The following ZFAND4 variants were observed in gnomAD, a reference collection of about 807,000 sequenced individuals.
The protein encoded by ZFAND4 is zinc finger AN1-type containing 4.
Under a neutral mutation model 64.4 loss-of-function variants are expected in ZFAND4, and 43 were observed. The ratio of observed to expected loss-of-function variants is 0.67; its 90% CI spans 0.52 to 0.86. ZFAND4 has a LOEUF of 0.86. ZFAND4 is among the 40% of genes least tolerant of loss of function. ZFAND4 has a pLI of 0.00. For missense variants in ZFAND4, 929 were observed against 859.8 expected, an observed-to-expected ratio of 1.08 and a Z score of -1.01; for synonymous variants, 296 against 305.7, an observed-to-expected ratio of 0.97 and a Z score of 0.33.
intron 2 of ZFAND4, among the ~76,000 whole-genome samples, chr10:45,662,937 C>A (rs1180538569): frequency 2.0e-5 from 3 of 152,018 alleles, no homozygotes; most frequent in Non-Finnish European, 4.4e-5. Context: ...TTACTTATTG[C>A]AGAAATCTGC....
At chr10:45,657,030 T>G (rs2048171479) in intron 2 of ZFAND4, among the ~76,000 whole-genome samples, 1 of 151,834 alleles carries the variant, frequency 6.6e-6, no homozygotes, top group Admixed American at 6.6e-5. Flanking sequence ...TTTTTTTTTT[T>G]TTGAGACAGG....
intron 8 of ZFAND4, among the ~76,000 whole-genome samples, chr10:45,619,352 T>C (rs761294071): frequency 2.0e-5 from 3 of 152,086 alleles, no homozygotes; most frequent in African/African-American, 4.8e-5. Context: ...CCAAATCAAT[T>C]TCTTTAATTA....
Position 45,626,740 on chromosome 10 carries a change from T to C in ZFAND4, c.1083A>G (p.Ser361=). 6.2e-7 allele frequency: 1 copy of C among 1,614,236 alleles called. No homozygotes were observed. Among genetic ancestry groups the C allele is most frequent in the South Asian group, 1.1e-5 (1 of 91,088 alleles). Residue 361 remains serine, a synonymous_variant, in exon 7 of 10, where the codon TCA becomes TCG. Coordinates refer to ENST00000344646, the MANE Select transcript of ZFAND4 (RefSeq NM_174890.4). ...AATGTTTTGTTTGCCTAGGCAGGGATGATCCAAGATGGAGAACAGAGTCAG... is the reference window on the plus strand; with the variant it reads ...AATGTTTTGTTTGCCTAGGCAGGGACGATCCAAGATGGAGAACAGAGTCAG... The part of the protein sequence containing the change: ...ELADSVLHLG[S]SLPRQTKHFL...
chr10:45,624,943 G>A (rs2045690713), intron 7 of ZFAND4, among the ~76,000 whole-genome samples: 1 of 151,852 alleles, frequency 6.6e-6, no homozygotes, highest in South Asian at 2.1e-4. Flanking sequence ...GCTGCAGCGA[G>A]CTGTGATTGC....
At chr10:45,663,460 A>G (rs749341719) in intron 2 of ZFAND4, 82 bp downstream of exon 2, 59 of 1,105,170 alleles carry the variant, frequency 5.3e-5, no homozygotes, top group Non-Finnish European at 7.0e-5. Context: ...AATTGTCTCC[A>G]TTAAAATACT....
chr10:45,624,948 G>A (rs370130967), intron 7 of ZFAND4, among the ~76,000 whole-genome samples: 187 of 152,074 alleles, frequency 1.2e-3, no homozygotes, highest in African/African-American at 3.6e-3. Context: ...AGCGAGCTGT[G>A]ATTGCACCAC....
chr10:45,667,508 G>C (rs1203567791), intron 1 of ZFAND4, among the ~76,000 whole-genome samples: 2 of 111,380 alleles, frequency 1.8e-5, no homozygotes, highest in African/African-American at 7.2e-5. Context: ...CCACTCTGTT[G>C]CCCGGGCTGA....
At chr10:45,655,312 T>C (rs1392744288) in intron 2 of ZFAND4, among the ~76,000 whole-genome samples, 1 of 152,186 alleles carries the variant, frequency 6.6e-6, no homozygotes, top group East Asian at 1.9e-4. Flanking sequence ...GGAATGATAA[T>C]AGTAATACAA....
At chr10:45,651,365 T>C (rs2047746546) in intron 4 of ZFAND4, 2 of 317,878 alleles carry the variant, frequency 6.3e-6, no homozygotes, top group African/African-American at 2.2e-5. Context: ...ATCGACTCTT[T>C]ACACATTTAT....
chr10:45,633,282 A>G (rs2046345987), intron 6 of ZFAND4, among the ~76,000 whole-genome samples: 1 of 152,098 alleles, frequency 6.6e-6, no homozygotes, highest in Non-Finnish European at 1.5e-5. Context: ...CCTTTTTGAT[A>G]GAGAATAAAC....
intron 6 of ZFAND4, among the ~76,000 whole-genome samples, chr10:45,633,061 G>A (rs541313898): frequency 6.6e-6 from 1 of 152,158 alleles, no homozygotes; most frequent in East Asian, 1.9e-4. Flanking sequence ...TAGCAACACA[G>A]TGAAAATATG....
chr10:45,635,213 A>AAAAAAAAAAAAAAAAAAAAAAAAAAAAAG (rs1564580259), intron 6 of ZFAND4, among the ~76,000 whole-genome samples: 1 of 141,546 alleles, frequency 7.1e-6, no homozygotes, highest in Non-Finnish European at 1.5e-5. Context: ...AAAAAAAAAA[A>AAAAAAAAAAAAAAAAAAAAAAAAAAAAAG]CAAAAAAAAA....
intron 4 of ZFAND4, chr10:45,651,189 T>C (rs1057344369): frequency 1.2e-5 from 2 of 161,990 alleles, no homozygotes; most frequent in Admixed American, 5.9e-5. Flanking sequence ...CTCCACTTCA[T>C]GGGAATTCAT....
At chr10:45,658,879 C>T (rs2048300865) in intron 2 of ZFAND4, among the ~76,000 whole-genome samples, 1 of 152,130 alleles carries the variant, frequency 6.6e-6, no homozygotes, top group South Asian at 2.1e-4. Context: ...TTCACCACTC[C>T]TTACAAGAAA....
chr10:45,626,513 G>A lies in ZFAND4; in HGVS notation c.1310C>T (p.Ala437Val). ...LLTNADKGLK[A>V]PEQHLKHVAG... ...AACATGCTTGAGATGCTGCTCTGGA[G>A]CTTTCAACCCTTTGTCAGCATTAGT... The change falls in exon 7 of 10, where the codon GCT becomes GTT. Residue 437 changes from alanine to valine, a missense_variant. Transcript: ENST00000344646. The A allele has an allele frequency of 6.2e-7, 1 of 1,613,952 alleles. No individual in the cohort carries two copies. The highest frequency in any genetic ancestry group is 8.5e-7 in the Non-Finnish European group (1 of 1,180,020).
In ZFAND4 at chr10:45,626,383, T is replaced by C. The variant is rs1447340380; in HGVS notation, c.1440A>G (p.Pro480=). 1.2e-6 allele frequency: 2 copies of C among 1,614,150 alleles called. No homozygotes were observed. The highest frequency in any genetic ancestry group is 1.1e-5 in the South Asian group (1 of 91,088). The change falls in exon 7 of 10, where the codon CCA becomes CCG. Residue 480 remains proline (P), a synonymous_variant. Coordinates refer to ENST00000344646, the MANE Select transcript of ZFAND4 (RefSeq NM_174890.4). ...RLLSPLRCSA[P]MSLHNSLVKP... ...TCACCAGAGAATTATGTAGCGACAT[T>C]GGTGCAGAACAGCGAAGAGGTGACA...
Position 45,626,191 on chromosome 10 carries a change from A to G in ZFAND4, c.1632T>C (p.Val544=). The G allele has an allele frequency of 2.5e-6, 4 of 1,614,184 alleles. No homozygotes were observed. The highest frequency in any genetic ancestry group is 3.4e-6 in the Non-Finnish European group (4 of 1,180,034). The change falls in exon 7 of 10, where the codon GTT becomes GTC. Residue 544 remains valine (V), a synonymous_variant. Coordinates refer to ENST00000344646, the MANE Select transcript of ZFAND4 (RefSeq NM_174890.4). ...TCATTTCTGTGATATCCCGAGCCTC[A>G]ACTTTGGAAATAACATCAGATCTTT... ...LGKRSDVISK[V]EARDITEMTN... is the part of the protein sequence containing the mutation.
rs530747341 is a variant in ZFAND4 at position 45,667,399 on chromosome 10, C to T, written c.-117-3557G>A. On this transcript the variant is annotated intron_variant, in intron 1 of 9. Transcript: ENST00000344646. Reference sequence around the variant, plus strand: ...TCTATAAAAGCTCTATATACAAGATCATGTCATTTACAAATAGAGTTTTAC... The same window carrying T: ...TCTATAAAAGCTCTATATACAAGATTATGTCATTTACAAATAGAGTTTTAC... Among the ~76,000 whole-genome samples the T allele has an allele frequency of 3.3e-5, 5 of 149,274 alleles. No homozygotes were observed. The East Asian group carries it at 8.0e-4, about 24-fold the overall frequency.
chr10:45,644,423 A>G (rs1227393909), intron 5 of ZFAND4, among the ~76,000 whole-genome samples: 2 of 152,180 alleles, frequency 1.3e-5, no homozygotes, highest in Non-Finnish European at 2.9e-5. Flanking sequence ...AGTCAGAAAA[A>G]CTAGAAAATT....
Sources: gnomAD v4.1 joint callset for allele counts (sites outside exome capture counted in the v4.1 genomes callset) on GRCh38, gnomAD v4.1.1 for gene constraint, MANE v1.5 for transcripts, NCBI Gene and HGNC (gene_info 2026-07-23, HGNC 2026-07-21) for gene names.